The following CALN1 variants were observed in gnomAD, a reference collection of about 807,000 sequenced individuals.
CALN1 encodes calneuron 1.
In CALN1, 17 loss-of-function variants were observed where a neutral mutation model predicts 30.6. The ratio of observed to expected loss-of-function variants is 0.56; its 90% CI spans 0.38 to 0.83. The LOEUF is 0.83. CALN1 is among the 40% of genes least tolerant of loss of function. CALN1 has a pLI of 0.00. For synonymous variants in CALN1, 156 were observed against 131.4 expected, an observed-to-expected ratio of 1.19 and a Z score of -1.28; for missense variants, 291 against 354.9, an observed-to-expected ratio of 0.82 and a Z score of 1.45.
At chr7:72,278,472 T>TACACACACACACACACACACACACAC (rs59010102) in intron 3 of CALN1, among the ~76,000 whole-genome samples, 2 of 143,982 alleles carry the variant, frequency 1.4e-5, no homozygotes, top group East Asian at 2.1e-4. Context: ...ATCAGGTCTG[T>TACACACACACACACACACACACACAC]ACACACACAC....
At chr7:72,004,035 C>T (rs567226847) in intron 5 of CALN1, among the ~76,000 whole-genome samples, 8 of 152,228 alleles carry the variant, frequency 5.3e-5, no homozygotes, top group African/African-American at 1.9e-4. Flanking sequence ...CAAGTTTATT[C>T]TATAATTTAC....
intron 5 of CALN1, among the ~76,000 whole-genome samples, chr7:71,989,950 G>A (rs1057455254): frequency 7.2e-5 from 11 of 152,126 alleles, no homozygotes; most frequent in African/African-American, 1.7e-4. Flanking sequence ...TCAAAATTAC[G>A]TTGTAGGTTG....
At chr7:72,077,313 G>A (rs758696427) in intron 4 of CALN1, among the ~76,000 whole-genome samples, 3 of 151,566 alleles carry the variant, frequency 2.0e-5, no homozygotes, top group Non-Finnish European at 2.9e-5. Flanking sequence ...TCGCTCTGTC[G>A]CCCAGGCTGG....
the CALN1 span, among the ~76,000 whole-genome samples, chr7:72,462,321 G>A: frequency 6.6e-6 from 1 of 152,100 alleles, no homozygotes; most frequent in African/African-American, 2.4e-5. Flanking sequence ...GAATAGCTGG[G>A]ACTACAGGTG....
At chr7:72,465,546 A>G in the CALN1 span, among the ~76,000 whole-genome samples, 3 of 152,106 alleles carry the variant, frequency 2.0e-5, no homozygotes, top group African/African-American at 4.8e-5. Flanking sequence ...CAGCCAGGAG[A>G]AATGAGCAGT....
chr7:72,156,252 T>C (rs1030663966), intron 3 of CALN1, among the ~76,000 whole-genome samples: 13 of 152,102 alleles, frequency 8.5e-5, no homozygotes, highest in African/African-American at 3.1e-4. Flanking sequence ...TACCAAATAA[T>C]GGAAGATTGT....
At chr7:72,342,739 CCTTAT>C (rs1245795196) in intron 2 of CALN1, among the ~76,000 whole-genome samples, 1 of 152,038 alleles carries the variant, frequency 6.6e-6, no homozygotes, top group Non-Finnish European at 1.5e-5. Flanking sequence ...TATCCCCTTC[CCTTAT>C]CTTTTTTATT....
At chr7:72,407,658 T>C (rs1585683671) in intron 1 of CALN1, among the ~76,000 whole-genome samples, 1 of 152,200 alleles carries the variant, frequency 6.6e-6, no homozygotes, top group East Asian at 1.9e-4. Flanking sequence ...CGTGAGCCCA[T>C]TAAACCCCTT....
chr7:72,373,696 A>G (rs889981442), intron 2 of CALN1, among the ~76,000 whole-genome samples: 2 of 152,212 alleles, frequency 1.3e-5, no homozygotes, highest in African/African-American at 2.4e-5. Flanking sequence ...CTTTCAACTT[A>G]AGGTTGGTTT....
At chr7:72,379,676 G>C (rs147674735) in intron 2 of CALN1, among the ~76,000 whole-genome samples, 21 of 152,342 alleles carry the variant, frequency 1.4e-4, no homozygotes, top group African/African-American at 5.0e-4. Context: ...CACTCAATGA[G>C]GAGTTTTCTT....
At chr7:71,972,042 C>A (rs955584371) in intron 5 of CALN1, among the ~76,000 whole-genome samples, 2 of 149,780 alleles carry the variant, frequency 1.3e-5, no homozygotes, top group Non-Finnish European at 3.0e-5. Context: ...GAAAGACACA[C>A]TCAGAGTTGA....
At chr7:72,499,314 A>T in the CALN1 span, among the ~76,000 whole-genome samples, 2 of 152,176 alleles carry the variant, frequency 1.3e-5, no homozygotes, top group African/African-American at 4.8e-5. Context: ...TACAGGCATG[A>T]GCCACTATGC....
chr7:72,163,422 G>A (rs1788283673), intron 3 of CALN1, among the ~76,000 whole-genome samples: 1 of 126,906 alleles, frequency 7.9e-6, no homozygotes, highest in Non-Finnish European at 1.7e-5. Context: ...AGAAAAACAT[G>A]TCACATAGTG....
intron 4 of CALN1, among the ~76,000 whole-genome samples, chr7:72,047,458 G>C (rs976987262): frequency 6.6e-6 from 1 of 152,094 alleles, no homozygotes; most frequent in African/African-American, 2.4e-5. Context: ...GTGTGGTGGT[G>C]AGTGCCTGTA....
At chr7:72,422,518 C>T (rs1807646185) in intron 1 of CALN1, among the ~76,000 whole-genome samples, 1 of 152,282 alleles carries the variant, frequency 6.6e-6, no homozygotes, top group East Asian at 1.9e-4. Flanking sequence ...TGACACCATC[C>T]TCTGCAGAGG....
intron 1 of CALN1, among the ~76,000 whole-genome samples, chr7:72,409,225 A>AC (rs960084394): frequency 4.7e-5 from 7 of 149,778 alleles, no homozygotes; most frequent in African/African-American, 1.7e-4. Flanking sequence ...CCAAGTCCTG[A>AC]CCTCATGATC....
chr7:72,406,258 A>G (rs1355031869), intron 1 of CALN1, among the ~76,000 whole-genome samples: 3 of 152,102 alleles, frequency 2.0e-5, no homozygotes, highest in African/African-American at 7.2e-5. Context: ...TCGGCCAACT[A>G]ATGAAGCACC....
chr7:72,299,050 T>C (rs991266352), intron 2 of CALN1, among the ~76,000 whole-genome samples: 1 of 152,154 alleles, frequency 6.6e-6, no homozygotes, highest in Non-Finnish European at 1.5e-5. Flanking sequence ...CAGGCACTTG[T>C]GTCACAAGTC....
chr7:71,937,135 C>T (rs190807405), intron 5 of CALN1, among the ~76,000 whole-genome samples: 14 of 152,232 alleles, frequency 9.2e-5, no homozygotes, highest in South Asian at 2.1e-4. Flanking sequence ...GTAGGAAACC[C>T]TGTCTCTACT....
Sources: gnomAD v4.1 joint callset for allele counts (sites outside exome capture counted in the v4.1 genomes callset) on GRCh38, gnomAD v4.1.1 for gene constraint, MANE v1.5 for transcripts, NCBI Gene and HGNC (gene_info 2026-07-23, HGNC 2026-07-21) for gene names.